TAOK3: variants seen among roughly 807,000 people sequenced by gnomAD.
TAOK3 encodes the protein TAO kinase 3.
TAOK3 carries 40 observed loss-of-function variants against 120.4 expected under a neutral mutation model. The ratio of observed to expected loss-of-function variants is 0.33; its 90% CI spans 0.26 to 0.43. The LOEUF (loss-of-function observed/expected upper bound fraction) is 0.43, where lower values mean the gene tolerates loss of function less well. Among genes scored for constraint, TAOK3 ranks in the 20% least tolerant of loss-of-function variants. The pLI is 1.00. For missense variants in TAOK3, 821 were observed against 1,112.1 expected (o/e 0.74, Z 3.72); for synonymous variants, 355 against 387.5 (o/e 0.92, Z 0.99).
chr12:118,171,399 C>G (rs2138645475), intron 17 of TAOK3, among the ~76,000 whole-genome samples: 1 of 152,316 alleles, frequency 6.6e-6, no homozygotes, highest in South Asian at 2.1e-4. Context: ...CTCTATCACC[C>G]AGGCTGGAGT....
At chr12:118,244,652 C>T (rs546755012) in intron 4 of TAOK3, among the ~76,000 whole-genome samples, 14 of 151,502 alleles carry the variant, frequency 9.2e-5, no homozygotes, top group African/African-American at 3.1e-4. Context: ...CCTCAGTCTC[C>T]TGAGTAGCTG....
chr12:118,281,111 T>C (rs2140418498), intron 1 of TAOK3, among the ~76,000 whole-genome samples: 1 of 152,372 alleles, frequency 6.6e-6, no homozygotes, highest in South Asian at 2.1e-4. Flanking sequence ...GCTATGCGGT[T>C]TTCTAGGTAT....
At chr12:118,348,500 G>T (rs570478593) in intron 1 of TAOK3, among the ~76,000 whole-genome samples, 1 of 151,704 alleles carries the variant, frequency 6.6e-6, no homozygotes, top group Non-Finnish European at 1.5e-5. Context: ...ACCCAGGCTG[G>T]AGTGCAGTGG....
chr12:118,162,121 T>G, intron 17 of TAOK3, 94 bp from the exon 18 acceptor site: 1 of 1,465,918 alleles, frequency 6.8e-7, no homozygotes, highest in Non-Finnish European at 9.3e-7. Context: ...GGAATGGCAC[T>G]GCTAACCATC....
intron 3 of TAOK3, among the ~76,000 whole-genome samples, chr12:118,250,911 T>G (rs149579990): frequency 6.6e-6 from 1 of 151,962 alleles, no homozygotes; most frequent in Non-Finnish European, 1.5e-5. Flanking sequence ...GGGAGAAATA[T>G]TCGAGAGAGA....
intron 3 of TAOK3, 70 bp from the exon 4 acceptor site, chr12:118,245,035 G>GA: frequency 2.0e-6 from 2 of 979,534 alleles, no homozygotes; most frequent in Admixed American, 4.2e-5. Flanking sequence ...TTAAATATTT[G>GA]ACTAGAGACT....
chr12:118,284,967 T>A (rs1437477093), intron 1 of TAOK3, among the ~76,000 whole-genome samples: 1 of 151,840 alleles, frequency 6.6e-6, no homozygotes, highest in Admixed American at 6.6e-5. Context: ...AAAATTTAGA[T>A]TGTTATATTT....
intron 2 of TAOK3, among the ~76,000 whole-genome samples, chr12:118,263,600 C>A (rs2041322142): frequency 6.6e-6 from 1 of 151,934 alleles, no homozygotes; most frequent in South Asian, 2.1e-4. Flanking sequence ...CATAATGGGA[C>A]CCCTGGATCC....
chr12:118,164,932 C>A lies in TAOK3; in HGVS notation c.1900-2905G>T, dbSNP rs183552251. 1.8e-3 allele frequency among the ~76,000 whole-genome samples: 271 copies of A among 152,254 alleles called. 3 individuals carry two copies. The highest frequency in any genetic ancestry group is 6.3e-3 in the African/African-American group (261 of 41,566). On this transcript the variant is annotated intron_variant, in intron 17 of 20. Transcript: ENST00000392533. The stretch of plus-strand genomic sequence containing the variant: ...CTAGTACTAGAGTACAGTCACTAAT[C>A]ATTCACTTATTCATTCAACAAGTAG...
At chr12:118,247,029 C>T (rs1424559033) in intron 3 of TAOK3, 4 of 755,792 alleles carry the variant, frequency 5.3e-6, no homozygotes, top group Non-Finnish European at 8.3e-6. Context: ...AGAATTTATA[C>T]CAGAATATAT....
In TAOK3 at chr12:118,280,772, G is replaced by A. The variant is rs2042072411; in HGVS notation, c.-193-14013C>T. ...GTTTGATAGGAATAGCACTGAATCTGTAAATTGCTTTGGGCAGTATGGCCA... is the reference window on the plus strand; with the variant it reads ...GTTTGATAGGAATAGCACTGAATCTATAAATTGCTTTGGGCAGTATGGCCA... On this transcript the variant is annotated intron_variant, in intron 1 of 20. Transcript: ENST00000392533. Among the ~76,000 whole-genome samples, 3 of 152,194 alleles carry A rather than the reference G, an allele frequency of 2.0e-5. No homozygotes were observed. The South Asian group carries it at 6.2e-4, about 31-fold the overall frequency.
intron 17 of TAOK3, among the ~76,000 whole-genome samples, chr12:118,171,478 T>C (rs1031972584): frequency 1.3e-5 from 2 of 152,202 alleles, no homozygotes; most frequent in Non-Finnish European, 2.9e-5. Flanking sequence ...TGCCTCAGTC[T>C]CCTGAGTAGC....
At chr12:118,151,722 C>G (rs140049060) in intron 20 of TAOK3, among the ~76,000 whole-genome samples, 6 of 152,326 alleles carry the variant, frequency 3.9e-5, no homozygotes, top group African/African-American at 1.4e-4. Flanking sequence ...TTTTCTACTT[C>G]ATATTCCTCA....
chr12:118,298,974 C>T (rs1566083207), intron 1 of TAOK3, among the ~76,000 whole-genome samples: 2 of 152,106 alleles, frequency 1.3e-5, no homozygotes, highest in African/African-American at 2.4e-5. Flanking sequence ...ACTTCCCTAG[C>T]TTTCATATTT....
intron 1 of TAOK3, among the ~76,000 whole-genome samples, chr12:118,293,763 CA>C (rs961855829): frequency 2.0e-5 from 3 of 152,042 alleles, no homozygotes; most frequent in Admixed American, 2.0e-4. Flanking sequence ...CCTGTAATCC[CA>C]GCACTTTGGG....
chr12:118,205,802 G>C (rs1169691099), intron 11 of TAOK3, among the ~76,000 whole-genome samples: 1 of 152,004 alleles, frequency 6.6e-6, no homozygotes, highest in African/African-American at 2.4e-5. Flanking sequence ...GTAGAGATGG[G>C]GTTTCACTAT....
At chr12:118,247,190 T>C (rs1212450861) in intron 3 of TAOK3, among the ~76,000 whole-genome samples, 2 of 152,214 alleles carry the variant, frequency 1.3e-5, no homozygotes, top group African/African-American at 4.8e-5. Context: ...TTAACGTGCC[T>C]ACTTGCTATT....
At chr12:118,223,038 G>T (rs1367895682) in intron 9 of TAOK3, among the ~76,000 whole-genome samples, 1 of 150,054 alleles carries the variant, frequency 6.7e-6, no homozygotes, top group Non-Finnish European at 1.5e-5. Context: ...ACCTGAAAAG[G>T]TATAAGGGTT....
intron 17 of TAOK3, among the ~76,000 whole-genome samples, chr12:118,165,593 A>G (rs935362620): frequency 3.9e-5 from 6 of 152,254 alleles, no homozygotes; most frequent in African/African-American, 7.2e-5. Flanking sequence ...TTGAGAATCA[A>G]TGGAAAAGTG....
Sources: allele counts gnomAD v4.1 joint callset (sites outside exome capture counted in the v4.1 genomes callset), GRCh38; gene constraint gnomAD v4.1.1; transcripts MANE v1.5; gene names NCBI Gene and HGNC (gene_info 2026-07-23, HGNC 2026-07-21).